The following GRIA1 variants were observed in gnomAD, a reference collection of about 807,000 sequenced individuals.
The protein encoded by GRIA1 is glutamate ionotropic receptor AMPA type subunit 1.
GRIA1 carries 31 observed loss-of-function variants against 99.2 expected under a neutral mutation model. That is an observed-to-expected ratio of 0.31 (90% CI 0.23 to 0.42). The LOEUF (loss-of-function observed/expected upper bound fraction) is 0.42. GRIA1 is among the 10% of genes least tolerant of loss of function. GRIA1 has a pLI of 1.00. For synonymous variants in GRIA1, 438 were observed against 432.4 expected, an observed-to-expected ratio of 1.01 and a Z score of -0.16; for missense variants, 782 against 1,157.5, an observed-to-expected ratio of 0.68 and a Z score of 4.71.
chr5:153,559,162 C>T (rs1468844279), intron 2 of GRIA1, among the ~76,000 whole-genome samples: 4 of 152,200 alleles, frequency 2.6e-5, no homozygotes, highest in Admixed American at 1.3e-4. Context: ...AGCTTCTGCT[C>T]CAGCCCCTTT....
At chr5:153,794,819 C>A in intron 14 of GRIA1, 84 bp downstream of exon 14, 1 of 775,574 alleles carries the variant, frequency 1.3e-6, no homozygotes, top group Non-Finnish European at 2.2e-6. Context: ...CAATACCTAT[C>A]CTGCTTCCTA....
chr5:153,567,857 G>A (rs1417068620), intron 2 of GRIA1, among the ~76,000 whole-genome samples: 1 of 152,126 alleles, frequency 6.6e-6, no homozygotes, highest in Non-Finnish European at 1.5e-5. Context: ...TAGAGAGGTA[G>A]GCTGGGGTCA....
intron 2 of GRIA1, among the ~76,000 whole-genome samples, chr5:153,562,752 G>A (rs1000307978): frequency 1.3e-5 from 2 of 152,138 alleles, no homozygotes; most frequent in Admixed American, 6.5e-5. Flanking sequence ...ACTGAGATGA[G>A]GAGATATTAA....
At chr5:153,653,539 G>T (rs568905675) in intron 4 of GRIA1, among the ~76,000 whole-genome samples, 1 of 152,198 alleles carries the variant, frequency 6.6e-6, no homozygotes, top group African/African-American at 2.4e-5. Flanking sequence ...TGATGCCAAA[G>T]CATATAAAAC....
intron 13 of GRIA1, among the ~76,000 whole-genome samples, chr5:153,781,541 C>G (rs190889074): frequency 8.1e-4 from 123 of 152,204 alleles, no homozygotes; most frequent in South Asian, 7.3e-3. Context: ...TGCAGGAAAC[C>G]CCTGCTGATT....
intron 2 of GRIA1, among the ~76,000 whole-genome samples, chr5:153,549,456 C>T (rs889923584): frequency 1.3e-5 from 2 of 151,996 alleles, no homozygotes; most frequent in African/African-American, 4.8e-5. Flanking sequence ...AAACTCAGTA[C>T]CCACCCAGAA....
chr5:153,602,558 A>C (rs941287301), intron 2 of GRIA1, among the ~76,000 whole-genome samples: 1 of 152,160 alleles, frequency 6.6e-6, no homozygotes, highest in Non-Finnish European at 1.5e-5. Context: ...AAATAAAATA[A>C]GAAAAAGACA....
chr5:153,570,177 A>T (rs1018827345), intron 2 of GRIA1, among the ~76,000 whole-genome samples: 1 of 152,198 alleles, frequency 6.6e-6, no homozygotes, highest in African/African-American at 2.4e-5. Flanking sequence ...CGAGAGCAAT[A>T]TTCTCTATCC....
intron 2 of GRIA1, among the ~76,000 whole-genome samples, chr5:153,586,222 G>C (rs1377273543): frequency 1.3e-5 from 2 of 152,158 alleles, no homozygotes; most frequent in Non-Finnish European, 2.9e-5. Context: ...CAAAGGAAGA[G>C]GAACCTTATT....
At chr5:153,646,212 TG>T (rs1325573696) in intron 2 of GRIA1, among the ~76,000 whole-genome samples, 1 of 152,146 alleles carries the variant, frequency 6.6e-6, no homozygotes, top group Non-Finnish European at 1.5e-5. Context: ...GCTGATACAC[TG>T]GGGGGTCTGA....
chr5:153,528,950 T>C (rs374586144), intron 2 of GRIA1, among the ~76,000 whole-genome samples: 2 of 152,154 alleles, frequency 1.3e-5, no homozygotes, highest in African/African-American at 2.4e-5. Flanking sequence ...AGAGTAGATA[T>C]ACAAAGAATG....
chr5:153,617,238 T>C (rs1166636872), intron 2 of GRIA1, among the ~76,000 whole-genome samples: 1 of 152,206 alleles, frequency 6.6e-6, no homozygotes, highest in African/African-American at 2.4e-5. Flanking sequence ...CGTGATATCA[T>C]GCTACGCTCC....
intron 15 of GRIA1, among the ~76,000 whole-genome samples, chr5:153,804,201 A>G (rs998573325): frequency 6.6e-6 from 1 of 152,176 alleles, no homozygotes; most frequent in Admixed American, 6.5e-5. Flanking sequence ...GGACCTAGGA[A>G]CACCCCAATC....
chr5:153,588,433 A>G (rs1763684662), intron 2 of GRIA1, among the ~76,000 whole-genome samples: 2 of 152,360 alleles, frequency 1.3e-5, no homozygotes, highest in Middle Eastern at 3.4e-3. Context: ...GCCCACTGGC[A>G]TCAAAGACTT....
intron 13 of GRIA1, 25 bp downstream of exon 13, chr5:153,770,440 TG>T (rs762451267): frequency 6.2e-7 from 1 of 1,601,844 alleles, no homozygotes; most frequent in South Asian, 1.1e-5. Context: ...TTTGCTTCCT[TG>T]GTACTCCCTC....
intron 2 of GRIA1, among the ~76,000 whole-genome samples, chr5:153,621,059 T>C (rs1389395105): frequency 1.3e-5 from 2 of 152,162 alleles, no homozygotes; most frequent in Admixed American, 6.5e-5. Context: ...TCATGCAACA[T>C]AGTGGCCCTG....
chr5:153,794,770 G>T (rs748081445), intron 14 of GRIA1, 35 bp downstream of exon 14: 2 of 1,240,046 alleles, frequency 1.6e-6, no homozygotes, highest in Non-Finnish European at 2.4e-6. Flanking sequence ...AACCTAGTGG[G>T]TATGAAATAG....
At chr5:153,773,203 C>G (rs887874170) in intron 13 of GRIA1, among the ~76,000 whole-genome samples, 2 of 152,130 alleles carry the variant, frequency 1.3e-5, no homozygotes, top group Non-Finnish European at 1.5e-5. Flanking sequence ...TTCCATTTTA[C>G]AGATGAGGAA....
chr5:153,573,211 T>C (rs1762269005), intron 2 of GRIA1: 2 of 152,216 alleles, frequency 1.3e-5, no homozygotes, highest in African/African-American at 4.8e-5. Flanking sequence ...CTGGCCTTTG[T>C]CCTGGTACTG....
Sources: gnomAD v4.1 joint callset for allele counts (sites outside exome capture counted in the v4.1 genomes callset) on GRCh38, gnomAD v4.1.1 for gene constraint, MANE v1.5 for transcripts, NCBI Gene and HGNC (gene_info 2026-07-23, HGNC 2026-07-21) for gene names.